SSR3: variants seen among roughly 807,000 people sequenced by gnomAD.
SSR3 encodes the protein translocon-associated protein subunit gamma.
In SSR3, 10 loss-of-function variants were observed where a neutral mutation model predicts 22.1. That is an observed-to-expected ratio of 0.45 (90% CI 0.28 to 0.77). The LOEUF (loss-of-function observed/expected upper bound fraction) is 0.77. Among genes scored for constraint, SSR3 ranks in the 30% least tolerant of loss-of-function variants. SSR3 has a pLI of 0.13. For missense variants in SSR3, 181 were observed against 220.5 expected (o/e 0.82, Z 1.13); for synonymous variants, 104 against 82.5 (o/e 1.26, Z -1.42).
At position 156,540,885 on chromosome 3, in the gene SSR3, GA is replaced by G. The variant is rs1396978894; in HGVS notation, c.*2317del. The G allele has an allele frequency of 1.3e-5, 2 of 152,106 alleles. No homozygotes were observed. Among genetic ancestry groups the G allele is most frequent in the Admixed American group, 6.5e-5 (1 of 15,268 alleles). The allele number at this position is 152,106 out of a possible 1,614,324, so 9.4% of individuals were successfully genotyped here. A position where few individuals can be genotyped will look rare whatever the true frequency, so the allele number is the denominator to read the frequency against. On this transcript the variant is annotated 3_prime_UTR_variant, in exon 5 of 5. Coordinates refer to ENST00000265044, the MANE Select transcript of SSR3 (RefSeq NM_007107.5). ...TGTGCCACACAGAACTTTTAGACAA[GA>G]GTAGAGGGGAAAAGGTTCTGCAATT...
At chr3:156,549,565 A>G (rs1027306381) in intron 2 of SSR3, among the ~76,000 whole-genome samples, 2 of 152,172 alleles carry the variant, frequency 1.3e-5, no homozygotes, top group African/African-American at 4.8e-5. Flanking sequence ...TTCAATCTTG[A>G]TCTTCAACTA....
At chr3:156,546,149 G>A (rs985405006) in intron 3 of SSR3, among the ~76,000 whole-genome samples, 1 of 152,204 alleles carries the variant, frequency 6.6e-6, no homozygotes, top group African/African-American at 2.4e-5. Flanking sequence ...GGGACCTGGT[G>A]GGAGGTGACT....
Position 156,539,755 on chromosome 3 carries a change from T to C in SSR3, c.*3448A>G, listed in dbSNP as rs955114959. ...TTTTCTCCATAAATGTACACATACA[T>C]GTATCCTTCCATCCTGTCTCCAGAA... On this transcript the variant is annotated 3_prime_UTR_variant, in exon 5 of 5. Coordinates refer to ENST00000265044, the MANE Select transcript of SSR3 (RefSeq NM_007107.5). 2.0e-5 allele frequency among the ~76,000 whole-genome samples: 3 copies of C among 152,156 alleles called. No individual in the cohort carries two copies. Among genetic ancestry groups the C allele is most frequent in the African/African-American group, 7.2e-5 (3 of 41,432 alleles).
At position 156,540,921 on chromosome 3, in the gene SSR3, A is replaced by G. The variant is rs1719452119; in HGVS notation, c.*2282T>C. The G allele has an allele frequency of 6.6e-6, 1 of 152,224 alleles. No individual in the cohort carries two copies. The highest frequency in any genetic ancestry group is 1.5e-5 in the Non-Finnish European group (1 of 68,038). The allele number at this position is 152,224 out of a possible 1,614,324, so 9.4% of individuals were successfully genotyped here. On this transcript the variant is annotated 3_prime_UTR_variant, in exon 5 of 5. Transcript: ENST00000265044. ...AAAAGGTTCTGCAATTCCTCACAGT[A>G]AAGTACTCACACAGTAAATCCTTAA... is the stretch of plus-strand genomic sequence containing the variant.
chr3:156,549,077 C>T, intron 2 of SSR3, 74 bp from the exon 3 acceptor site: 7 of 1,423,648 alleles, frequency 4.9e-6, no homozygotes, highest in Non-Finnish European at 6.6e-6. Context: ...CAGAAACACA[C>T]CGTACTCATA....
chr3:156,549,849 G>T (rs766098517), intron 2 of SSR3, among the ~76,000 whole-genome samples: 1 of 152,034 alleles, frequency 6.6e-6, no homozygotes, highest in Non-Finnish European at 1.5e-5. Context: ...CAATTAAGAG[G>T]AAATCAATTC....
chr3:156,546,292 C>G (rs1222444742), intron 3 of SSR3, among the ~76,000 whole-genome samples: 1 of 152,206 alleles, frequency 6.6e-6, no homozygotes, highest in African/African-American at 2.4e-5. Context: ...AAGGCACTTG[C>G]TTCTTTACCT....
Position 156,544,433 on chromosome 3 carries a change from C to A in SSR3, c.366G>T (p.Leu122Phe), listed in dbSNP as rs75046831. Reference sequence around the variant, plus strand: ...AATCAGCAACTTCATTCTTCTTCCACAAGATTCTACAGACACAGAAACAAG... The same window carrying A: ...AATCAGCAACTTCATTCTTCTTCCAAAAGATTCTACAGACACAGAAACAAG... ...MSRKEKDERI[L>F]WKKNEVADYE... is the part of the protein sequence containing the mutation. The change falls in exon 4 of 5, where the codon TTG becomes TTT. Residue 122 changes from leucine to phenylalanine, a missense_variant. Transcript: ENST00000265044. The A allele has an allele frequency of 6.3e-7, 1 of 1,575,036 alleles. No homozygotes were observed. Among genetic ancestry groups the A allele is most frequent in the Non-Finnish European group, 8.6e-7 (1 of 1,162,336 alleles).
chr3:156,549,060 A>T, intron 2 of SSR3, 57 bp from the exon 3 acceptor site: 2 of 1,526,086 alleles, frequency 1.3e-6, no homozygotes, highest in Non-Finnish European at 1.8e-6. Context: ...TGAACATCAC[A>T]CTCTCTCAGA....
intron 2 of SSR3, 86 bp from the exon 3 acceptor site, chr3:156,549,089 TTC>T: frequency 1.5e-6 from 2 of 1,344,616 alleles, no homozygotes; most frequent in Non-Finnish European, 2.0e-6. Flanking sequence ...GTACTCATAT[TTC>T]GTACTGGCAA....
intron 3 of SSR3, 183 bp downstream of exon 3, chr3:156,548,722 A>C (rs1346065418): frequency 4.2e-6 from 3 of 707,608 alleles, no homozygotes; most frequent in African/African-American, 3.6e-5. Flanking sequence ...CAGCACAGAT[A>C]AAAGTATCTG....
At chr3:156,551,841 T>C (rs969111331) in intron 2 of SSR3, among the ~76,000 whole-genome samples, 2 of 152,088 alleles carry the variant, frequency 1.3e-5, no homozygotes, top group Non-Finnish European at 2.9e-5. Context: ...AGGAAGTAAG[T>C]TAATCCTAAA....
chr3:156,544,504 T>C (rs1231134737), intron 3 of SSR3, 65 bp from the exon 4 acceptor site: 1 of 1,349,144 alleles, frequency 7.4e-7, no homozygotes, highest in East Asian at 2.5e-5. Flanking sequence ...TTAAGTACCA[T>C]ATGGCTCTAG....
chr3:156,547,191 C>T (rs1719797959), intron 3 of SSR3, among the ~76,000 whole-genome samples: 1 of 152,138 alleles, frequency 6.6e-6, no homozygotes, highest in South Asian at 2.1e-4. Flanking sequence ...ATGAAACCTC[C>T]ACCTCACCCC....
intron 3 of SSR3, among the ~76,000 whole-genome samples, chr3:156,546,850 T>C (rs1719782977): frequency 6.6e-6 from 1 of 152,240 alleles, no homozygotes; most frequent in South Asian, 2.1e-4. Flanking sequence ...TCTGCTTATT[T>C]CCATCCTTGG....
intron 3 of SSR3, among the ~76,000 whole-genome samples, chr3:156,546,890 C>T (rs989464370): frequency 2.0e-5 from 3 of 152,100 alleles, no homozygotes; most frequent in African/African-American, 2.4e-5. Context: ...TACTTTTAAG[C>T]GGCATGGAGT....
intron 3 of SSR3, chr3:156,548,691 A>G (rs1241544637): frequency 1.7e-6 from 1 of 599,884 alleles, no homozygotes; most frequent in African/African-American, 1.9e-5. Context: ...GACTCTTTAG[A>G]GGAATAAATC....
rs1414427748 is a variant in SSR3, at chr3:156,542,332, A to G, written c.*871T>C. On this transcript the variant is annotated 3_prime_UTR_variant, in exon 5 of 5. Transcript: ENST00000265044. ...TAAAATCACTGTAAATTCCTTGGAG[A>G]GTTCTCAGAATTGCAGAAGTTCAGA... 6.6e-6 allele frequency: 1 copy of G among 152,266 alleles called. No homozygotes were observed. Among genetic ancestry groups the G allele is most frequent in the East Asian group, 1.9e-4 (1 of 5,206 alleles). 9.4% of individuals were successfully genotyped at this position (152,266 alleles called of 1,614,324 possible). A position where few individuals can be genotyped will look rare whatever the true frequency, so the allele number is the denominator to read the frequency against.
chr3:156,545,729 G>A (rs1324190212), intron 3 of SSR3, among the ~76,000 whole-genome samples: 1 of 146,780 alleles, frequency 6.8e-6, no homozygotes, highest in Non-Finnish European at 1.5e-5. Context: ...TGGAGGAAGG[G>A]AAGGACATTA....
Sources: allele counts gnomAD v4.1 joint callset (sites outside exome capture counted in the v4.1 genomes callset), GRCh38; gene constraint gnomAD v4.1.1; transcripts MANE v1.5; gene names NCBI Gene and HGNC (gene_info 2026-07-23, HGNC 2026-07-21).